Variants in GNG7 observed in about 807,000 individuals in gnomAD.
GNG7 encodes the protein guanine nucleotide-binding protein G(I)/G(S)/G(O) subunit gamma-7.
In GNG7, 1 loss-of-function variant was observed where a neutral mutation model predicts 4.0. That is an observed-to-expected ratio of 0.25 (90% CI 0.09 to 1.18). The LOEUF is 1.18. GNG7 is among the 50% of genes most tolerant of loss of function. The pLI, the probability that GNG7 is intolerant of heterozygous loss-of-function variation, is 0.50. For synonymous variants in GNG7, 34 were observed against 36.9 expected (o/e 0.92, Z 0.29); for missense variants, 86 against 91.9 (o/e 0.94, Z 0.26).
intron 2 of GNG7, among the ~76,000 whole-genome samples, chr19:2,572,706 A>G (rs1980187622): frequency 6.7e-6 from 1 of 149,534 alleles, no homozygotes; most frequent in Non-Finnish European, 1.5e-5. Context: ...CGATCCTCCC[A>G]TCTCAGCCTC....
chr19:2,558,357 C>T (rs181582083), intron 2 of GNG7, among the ~76,000 whole-genome samples: 1 of 152,010 alleles, frequency 6.6e-6, no homozygotes. Context: ...CCTCCTCAGC[C>T]TCCTGAGTAG....
At chr19:2,664,441 G>A (rs1983253832) in intron 1 of GNG7, among the ~76,000 whole-genome samples, 1 of 152,180 alleles carries the variant, frequency 6.6e-6, no homozygotes, top group African/African-American at 2.4e-5. Flanking sequence ...TCAGAGCCAC[G>A]AGACTGATGA....
chr19:2,598,099 C>G (rs1024260356), intron 2 of GNG7, among the ~76,000 whole-genome samples: 1 of 152,062 alleles, frequency 6.6e-6, no homozygotes, highest in Non-Finnish European at 1.5e-5. Flanking sequence ...ATCTCAGGCT[C>G]TCCACTCGGC....
intron 3 of GNG7, among the ~76,000 whole-genome samples, chr19:2,542,912 T>C (rs1979010048): frequency 6.7e-6 from 1 of 149,764 alleles, no homozygotes; most frequent in Admixed American, 6.7e-5. Context: ...TGGTTTTTGT[T>C]TTGTTTTGTT....
chr19:2,693,687 A>T (rs553923032), intron 1 of GNG7, among the ~76,000 whole-genome samples: 2 of 152,228 alleles, frequency 1.3e-5, no homozygotes, highest in South Asian at 4.1e-4. Context: ...ACTCCATGCC[A>T]GGAGCAGCCC....
intron 2 of GNG7, among the ~76,000 whole-genome samples, chr19:2,613,229 G>A (rs867979752): frequency 3.9e-5 from 6 of 152,184 alleles, no homozygotes; most frequent in African/African-American, 7.2e-5. Context: ...TAGCACCTAC[G>A]TTGAATTAGG....
In GNG7 at chr19:2,552,117, G is replaced by T. The variant is rs531713567; in HGVS notation, c.-38+3032C>A. On this transcript the variant is annotated intron_variant, in intron 3 of 4. Transcript: ENST00000382159. ...TGAACTGTGCATGTAAGGGATCTTG[G>T]TTGCACGCTCCTTATGAGAATCTAA... is the stretch of plus-strand genomic sequence containing the variant. Among the ~76,000 whole-genome samples the T allele has an allele frequency of 1.6e-3, 249 of 152,168 alleles. 4 individuals are homozygous for T. Among genetic ancestry groups the T allele is most frequent in the African/African-American group, 5.6e-3 (231 of 41,540 alleles).
At position 2,653,468 on chromosome 19, in the gene GNG7, G is replaced by C. The variant is rs1490686351; in HGVS notation, c.-134-7188C>G. Among the ~76,000 whole-genome samples the C allele has an allele frequency of 6.6e-6, 1 of 151,676 alleles. No individual in the cohort carries two copies. The highest frequency in any genetic ancestry group is 2.4e-5 in the African/African-American group (1 of 41,038). Reference sequence around the variant, plus strand: ...GGCGGAGGGAGGAGGAGAATCCCAGGAGCTGGGGGGCCCCCCTGGTTTATA... The same window carrying C: ...GGCGGAGGGAGGAGGAGAATCCCAGCAGCTGGGGGGCCCCCCTGGTTTATA... On this transcript the variant is annotated intron_variant, in intron 1 of 4. Coordinates refer to ENST00000382159, the MANE Select transcript of GNG7 (RefSeq NM_052847.3). The surrounding 1 kb of genome is among the most constrained non-coding windows in gnomAD (Gnocchi z 4.8).
intron 2 of GNG7, among the ~76,000 whole-genome samples, chr19:2,584,822 CGGAG>C (rs1980608852): frequency 1.4e-4 from 1 of 7,086 alleles, no homozygotes; most frequent in Non-Finnish European, 2.2e-4. Context: ...GAGGGAGGGA[CGGAG>C]GGAGGGAGGG....
At chr19:2,668,133 A>C (rs1308556985) in intron 1 of GNG7, among the ~76,000 whole-genome samples, 1 of 152,082 alleles carries the variant, frequency 6.6e-6, no homozygotes, top group Non-Finnish European at 1.5e-5. Flanking sequence ...ATACTAAGGA[A>C]AATTGGGTGG....
rs5826778 is a variant in GNG7 at position 2,659,610 on chromosome 19, A to AAAAAAAAAAAAAAAG, written c.-134-13331_-134-13330insCTTTTTTTTTTTTTT. ...TCCATCTTAAAAAAAAAAAAAAAAA[A>AAAAAAAAAAAAAAAG]AGAGAGGAGGGGAGGGAAAGAGGGA... On this transcript the variant is annotated intron_variant, in intron 1 of 4. Transcript: ENST00000382159. 2.1e-4 allele frequency among the ~76,000 whole-genome samples: 25 copies of AAAAAAAAAAAAAAAG among 121,470 alleles called. 1 individual carries two copies. Among genetic ancestry groups the AAAAAAAAAAAAAAAG allele is most frequent in the African/African-American group, 8.2e-4 (25 of 30,598 alleles). The allele number at this position is 121,470 out of a possible 152,430, so 79.7% of individuals were successfully genotyped here.
In GNG7 at chr19:2,633,088, G is replaced by C. The variant is rs867650217; in HGVS notation, c.-78+13136C>G. ...CGCATCCCCAGGCGGCACCGGGAGTGTCTGCGCAGAGATCCGAGGGTGTTA... is the reference window on the plus strand; with the variant it reads ...CGCATCCCCAGGCGGCACCGGGAGTCTCTGCGCAGAGATCCGAGGGTGTTA... On this transcript the variant is annotated intron_variant, in intron 2 of 4. Coordinates refer to ENST00000382159, the MANE Select transcript of GNG7 (RefSeq NM_052847.3). This position sits in a 1 kb window ranked among gnomAD's most constrained non-coding sequence, Gnocchi z 5.9. Among the ~76,000 whole-genome samples the C allele has an allele frequency of 2.6e-5, 4 of 152,364 alleles. No individual in the cohort carries two copies. Among genetic ancestry groups the C allele is most frequent in the Middle Eastern group, 6.8e-3 (2 of 294 alleles).
intron 2 of GNG7, among the ~76,000 whole-genome samples, chr19:2,593,621 G>A (rs1003751667): frequency 6.6e-6 from 1 of 151,908 alleles, no homozygotes; most frequent in Non-Finnish European, 1.5e-5. Flanking sequence ...GCGGCTGCCT[G>A]TAGTCCCAGC....
Position 2,660,271 on chromosome 19 carries a change from GCT to G in GNG7, c.-134-13993_-134-13992del, listed in dbSNP as rs1436715440. Among the ~76,000 whole-genome samples, 5 of 152,296 alleles carry G rather than the reference GCT, an allele frequency of 3.3e-5. No individual in the cohort carries two copies. The East Asian group carries it at 9.6e-4, about 29-fold the overall frequency. ...TCTTCATCCCCGTTACACCCACAAG[GCT>G]CTGTGTAATTCTCCCTGAGCCTCAT... On this transcript the variant is annotated intron_variant, in intron 1 of 4. Coordinates refer to ENST00000382159, the MANE Select transcript of GNG7 (RefSeq NM_052847.3).
intron 2 of GNG7, among the ~76,000 whole-genome samples, chr19:2,625,154 C>T (rs1429510526): frequency 2.0e-5 from 3 of 152,174 alleles, no homozygotes; most frequent in Admixed American, 6.5e-5. Context: ...CTGCAACCTC[C>T]GCCTCCCGGG....
rs962531355 is a variant in GNG7 at position 2,659,170 on chromosome 19, C to T, written c.-134-12890G>A. Among the ~76,000 whole-genome samples the T allele has an allele frequency of 7.2e-5, 11 of 152,092 alleles. No individual in the cohort carries two copies. In the East Asian group the frequency reaches 1.2e-3, roughly 16 times the overall value. Reference sequence around the variant, plus strand: ...ATTTTTAGTAGAGACGAGGTTTCACCGGGTTAGCCAGGATGGTCTCAATCT... The same window carrying T: ...ATTTTTAGTAGAGACGAGGTTTCACTGGGTTAGCCAGGATGGTCTCAATCT... On this transcript the variant is annotated intron_variant, in intron 1 of 4. Transcript: ENST00000382159.
Position 2,512,117 on chromosome 19 carries a change from C to G in GNG7, c.*2905G>C, listed in dbSNP as rs994407279. ...GGTGGGGGTGAGTGTCCTTAACTCT[C>G]TTTTCCCCTGGCGTAGCTGAGAGAG... On this transcript the variant is annotated 3_prime_UTR_variant, in exon 5 of 5. Transcript: ENST00000382159. The surrounding 1 kb of genome is among the most constrained non-coding windows in gnomAD (Gnocchi z 4.7). 1.0e-6 allele frequency: 1 copy of G among 985,788 alleles called. No homozygotes were observed. 61.1% of individuals were successfully genotyped at this position (985,788 alleles called of 1,614,324 possible). A position where few individuals can be genotyped will look rare whatever the true frequency, so the allele number is the denominator to read the frequency against.
intron 2 of GNG7, among the ~76,000 whole-genome samples, chr19:2,579,669 G>A (rs1980446327): frequency 6.6e-6 from 1 of 152,202 alleles, no homozygotes; most frequent in African/African-American, 2.4e-5. Context: ...CGACGGAAGG[G>A]GCTTTGGCAG....
At chr19:2,567,523 G>A (rs952850569) in intron 2 of GNG7, among the ~76,000 whole-genome samples, 3 of 151,978 alleles carry the variant, frequency 2.0e-5, no homozygotes, top group Non-Finnish European at 2.9e-5. Flanking sequence ...ATGGGGTTTC[G>A]CCATTTTGCC....
Sources: gnomAD v4.1 joint callset for allele counts (sites outside exome capture counted in the v4.1 genomes callset) on GRCh38, gnomAD v4.1.1 for gene constraint, Gnocchi (gnomAD v3.1) non-coding constraint, MANE v1.5 for transcripts, NCBI Gene and HGNC (gene_info 2026-07-23, HGNC 2026-07-21) for gene names.